Variants in ETV5 observed in about 807,000 individuals in gnomAD.
The protein encoded by ETV5 is ETS variant transcription factor 5.
In ETV5, 10 loss-of-function variants were observed where a neutral mutation model predicts 70.0. The ratio of observed to expected loss-of-function variants is 0.14; its 90% CI spans 0.09 to 0.24. The LOEUF (loss-of-function observed/expected upper bound fraction) is 0.24. ETV5 is among the 10% of genes least tolerant of loss of function. ETV5 has a pLI of 1.00. For missense variants in ETV5, 453 were observed against 651.2 expected (o/e 0.70, Z 3.31); for synonymous variants, 216 against 242.2 (o/e 0.89, Z 1.01).
intron 7 of ETV5, among the ~76,000 whole-genome samples, chr3:186,076,893 T>TA (rs1263625815): frequency 1.3e-5 from 2 of 152,158 alleles, no homozygotes; most frequent in South Asian, 2.1e-4. Flanking sequence ...AAAAGTATAA[T>TA]AAAAAAACAG....
Position 186,105,667 on chromosome 3 carries a change from T to G in ETV5, c.91A>C (p.Lys31Gln). 6.2e-7 allele frequency: 1 copy of G among 1,614,198 alleles called. No homozygotes were observed. The highest frequency in any genetic ancestry group is 8.5e-7 in the Non-Finnish European group (1 of 1,180,046). Reference sequence around the variant, plus strand: ...AGATCTGTGTCCAAAAACTTCCTCTTTCTGTCAATCACAGGCCGCCCTCTG... The same window carrying G: ...AGATCTGTGTCCAAAAACTTCCTCTGTCTGTCAATCACAGGCCGCCCTCTG... ...ECRGRPVIDR[K>Q]RKFLDTDLAH... The change falls in exon 3 of 13, where the codon AAG becomes CAG. Residue 31 changes from lysine to glutamine, a missense_variant. Around this residue, in one of 4 missense-constraint regions of ETV5, gnomAD observed 47 missense variants for 96.8 expected, o/e 0.49. Transcript: ENST00000306376. The surrounding 1 kb of genome is among the most constrained non-coding windows in gnomAD (Gnocchi z 4.5).
intron 1 of ETV5, 102 bp from the exon 2 acceptor site, chr3:186,106,044 C>T (rs1270284630): frequency 6.2e-6 from 5 of 801,578 alleles, no homozygotes; most frequent in Non-Finnish European, 1.0e-5. Flanking sequence ...AATTATTACC[C>T]TTCTGTGAAG....
chr3:186,098,459 A>C (rs1578561244), intron 5 of ETV5, among the ~76,000 whole-genome samples: 1 of 152,280 alleles, frequency 6.6e-6, no homozygotes. Flanking sequence ...TTCTGGCTGC[A>C]GAGGAGGGGA....
intron 6 of ETV5, chr3:186,080,516 T>A: frequency 4.3e-6 from 1 of 234,684 alleles, no homozygotes; most frequent in East Asian, 6.1e-5. Flanking sequence ...CTGTTTGTGC[T>A]GTGACATCAT....
At chr3:186,086,630 A>G (rs1451376318) in intron 5 of ETV5, among the ~76,000 whole-genome samples, 1 of 152,152 alleles carries the variant, frequency 6.6e-6, no homozygotes, top group African/African-American at 2.4e-5. Context: ...ATCATCAAAT[A>G]GCTAGGAAAG....
At position 186,105,238 on chromosome 3, in the gene ETV5, C is replaced by G. The variant is rs1258203815; in HGVS notation, c.232+67G>C. On this transcript the variant is annotated intron_variant, in intron 5 of 12. Transcript: ENST00000306376. The surrounding 1 kb of genome is among the most constrained non-coding windows in gnomAD (Gnocchi z 4.5). ...TGGCCATAGCTGAAAAAAGCATATT[C>G]TAGACATGGATGATCTAAGACCAAA... The G allele has an allele frequency of 7.2e-7, 1 of 1,382,750 alleles. No individual in the cohort carries two copies. The highest frequency in any genetic ancestry group is 1.0e-6 in the Non-Finnish European group (1 of 991,234). 85.7% of individuals were successfully genotyped at this position (1,382,750 alleles called of 1,614,324 possible).
intron 7 of ETV5, among the ~76,000 whole-genome samples, chr3:186,066,288 A>G (rs1433337289): frequency 1.3e-5 from 2 of 149,466 alleles, no homozygotes; most frequent in African/African-American, 4.9e-5. Flanking sequence ...AAATCAAAGC[A>G]ATGATGTGGT....
intron 5 of ETV5, among the ~76,000 whole-genome samples, chr3:186,101,429 A>G (rs1350044798): frequency 1.3e-5 from 2 of 152,154 alleles, no homozygotes; most frequent in African/African-American, 4.8e-5. Context: ...CTGAGGTTAC[A>G]GGTGTGAGCC....
chr3:186,055,776 A>T (rs1349904682), intron 11 of ETV5, among the ~76,000 whole-genome samples: 1 of 152,150 alleles, frequency 6.6e-6, no homozygotes, highest in Non-Finnish European at 1.5e-5. Context: ...TGTTAACCCC[A>T]TGCCAGCGTA....
intron 7 of ETV5, among the ~76,000 whole-genome samples, chr3:186,069,680 A>G (rs1713553691): frequency 6.6e-6 from 1 of 152,108 alleles, no homozygotes; most frequent in Non-Finnish European, 1.5e-5. Flanking sequence ...GATTTTTAGT[A>G]GAAACGGGGT....
chr3:186,064,546 C>T, intron 8 of ETV5, 70 bp from the exon 9 acceptor site: 1 of 1,464,920 alleles, frequency 6.8e-7, no homozygotes, highest in Non-Finnish European at 9.6e-7. Flanking sequence ...CATCGGTCAA[C>T]TGCAGCTCTG....
rs187947560 is a variant in ETV5 at position 186,048,128 on chromosome 3, C to G, written c.*511G>C. 1.3e-3 allele frequency: 304 copies of G among 235,426 alleles called. 1 individual carries two copies. Among genetic ancestry groups the G allele is most frequent in the South Asian group, 1.9e-3 (11 of 5,672 alleles). The allele number at this position is 235,426 out of a possible 1,614,324, so 14.6% of individuals were successfully genotyped here. ...ACAAGGGGTAATATTTCAGATTCAGCTAGAAGAGCTTTCCAATGTTTAAGA... is the reference window on the plus strand; with the variant it reads ...ACAAGGGGTAATATTTCAGATTCAGGTAGAAGAGCTTTCCAATGTTTAAGA... On this transcript the variant is annotated 3_prime_UTR_variant, in exon 13 of 13. Coordinates refer to ENST00000306376, the MANE Select transcript of ETV5 (RefSeq NM_004454.3).
rs747800413 is a variant in ETV5 at position 186,057,068 on chromosome 3, T to C, written c.1209+7A>G. The C allele has an allele frequency of 1.9e-6, 3 of 1,613,968 alleles. No individual in the cohort carries two copies. The highest frequency in any genetic ancestry group is 2.7e-5 in the African/African-American group (2 of 75,040). ...AAACCCGTCTGAGTCCAGCATCCAG[T>C]GCATACCTCTTCCGGTTCTATCAGC... On this transcript the variant is annotated splice_region_variant and intron_variant, in intron 11 of 12. Coordinates refer to ENST00000306376, the MANE Select transcript of ETV5 (RefSeq NM_004454.3). This position sits in a 1 kb window ranked among gnomAD's most constrained non-coding sequence, Gnocchi z 4.9.
intron 7 of ETV5, among the ~76,000 whole-genome samples, chr3:186,074,186 G>A (rs1713714050): frequency 6.6e-6 from 1 of 151,854 alleles, no homozygotes; most frequent in South Asian, 2.1e-4. Flanking sequence ...TTTTAGAAAG[G>A]GCACCATGAA....
intron 5 of ETV5, among the ~76,000 whole-genome samples, chr3:186,094,740 A>T (rs925599412): frequency 2.0e-5 from 3 of 152,204 alleles, no homozygotes; most frequent in African/African-American, 7.2e-5. Context: ...AAAATATTTT[A>T]TACAGGATGA....
At position 186,066,238 on chromosome 3, in the gene ETV5, C is replaced by T. The variant is rs144401281; in HGVS notation, c.651-166G>A. On this transcript the variant is annotated intron_variant, in intron 7 of 12. Coordinates refer to ENST00000306376, the MANE Select transcript of ETV5 (RefSeq NM_004454.3). Reference sequence around the variant, plus strand: ...CTTCCCAAAATTACATTGTGTATTTCGAAGCTCTTGAGTCAGGAAGTGGCA... The same window carrying T: ...CTTCCCAAAATTACATTGTGTATTTTGAAGCTCTTGAGTCAGGAAGTGGCA... 6.9e-5 allele frequency among the ~76,000 whole-genome samples: 8 copies of T among 116,090 alleles called. No homozygotes were observed. The East Asian group carries it at 7.7e-4, about 11-fold the overall frequency. The allele number at this position is 116,090 out of a possible 152,430, so 76.2% of individuals were successfully genotyped here.
In ETV5 at chr3:186,054,544, G is replaced by A. The variant is rs979234775; in HGVS notation, c.1210-2413C>T. On this transcript the variant is annotated intron_variant, in intron 11 of 12. Transcript: ENST00000306376. This position sits in a 1 kb window ranked among gnomAD's most constrained non-coding sequence, Gnocchi z 4.4. ...TCATAATTGAGAGGGTGCTAAGCTG[G>A]ATGACTATCAAAAGACATTTGATTA... is the stretch of plus-strand genomic sequence containing the variant. 2.6e-5 allele frequency among the ~76,000 whole-genome samples: 4 copies of A among 152,164 alleles called. No homozygotes were observed. Among genetic ancestry groups the A allele is most frequent in the Admixed American group, 6.5e-5 (1 of 15,284 alleles).
chr3:186,094,027 G>A (rs948338145), intron 5 of ETV5, among the ~76,000 whole-genome samples: 4 of 152,224 alleles, frequency 2.6e-5, no homozygotes, highest in African/African-American at 4.8e-5. Context: ...GGGTAGAGAA[G>A]TTGGCAAGGC....
At chr3:186,090,159 T>G (rs1462856212) in intron 5 of ETV5, among the ~76,000 whole-genome samples, 6 of 152,224 alleles carry the variant, frequency 3.9e-5, no homozygotes, top group Non-Finnish European at 4.4e-5. Flanking sequence ...GTAGAAATGC[T>G]TAGAACCTCA....
Sources: gnomAD v4.1 joint callset for allele counts (sites outside exome capture counted in the v4.1 genomes callset) on GRCh38, gnomAD v4.1.1 for gene constraint, gnomAD v4.1.1 regional missense constraint, Gnocchi (gnomAD v3.1) non-coding constraint, MANE v1.5 for transcripts, NCBI Gene and HGNC (gene_info 2026-07-23, HGNC 2026-07-21) for gene names.